SLC44A1: variants seen among roughly 807,000 people sequenced by gnomAD.
The protein encoded by SLC44A1 is choline transporter-like protein 1.
A neutral mutation model predicts 79.3 loss-of-function variants in SLC44A1; 26 were observed. The ratio of observed to expected loss-of-function variants is 0.33; its 90% CI spans 0.24 to 0.46. The LOEUF is 0.46. SLC44A1 is among the 20% of genes least tolerant of loss of function. The probability of loss-of-function intolerance (pLI) is 1.00; values close to 1 mark genes in which losing one functional copy is unlikely to be tolerated. For synonymous variants in SLC44A1, 263 were observed against 286.2 expected, an observed-to-expected ratio of 0.92 and a Z score of 0.82; for missense variants, 688 against 798.1, an observed-to-expected ratio of 0.86 and a Z score of 1.66.
At position 105,430,704 on chromosome 9, in the gene SLC44A1, C is replaced by T. The variant is rs186614468; in HGVS notation, c.1951-7577C>T. ...TACTTAGGTTGGATTTGCACCTTTT[C>T]GCTATTCTGAATAATGCTGCTATGA... is the stretch of plus-strand genomic sequence containing the variant. On this transcript the variant is annotated intron_variant, in intron 15 of 15. Coordinates refer to the SLC44A1 transcript ENST00000374724. 1.4e-4 allele frequency among the ~76,000 whole-genome samples: 22 copies of T among 152,200 alleles called. 1 individual carries two copies. The highest frequency in any genetic ancestry group is 3.9e-4 in the East Asian group (2 of 5,186).
intron 15 of SLC44A1, among the ~76,000 whole-genome samples, chr9:105,416,843 A>C (rs2131512073): frequency 6.6e-6 from 1 of 152,324 alleles, no homozygotes; most frequent in Non-Finnish European, 1.5e-5. Flanking sequence ...TTGACTATCC[A>C]TGCACAAAGT....
At chr9:105,427,969 C>A (rs189511826) in intron 15 of SLC44A1, among the ~76,000 whole-genome samples, 33 of 152,098 alleles carry the variant, frequency 2.2e-4, no homozygotes, top group African/African-American at 7.7e-4. Context: ...ATGTCCTTTG[C>A]CATTTTGTTA....
chr9:105,389,590 T>C lies in SLC44A1; in HGVS notation c.*534T>C, dbSNP rs1205488698. 6.1e-6 allele frequency: 7 copies of C among 1,140,728 alleles called. No individual in the cohort carries two copies. The African/African-American group carries it at 1.1e-4, about 18-fold the overall frequency. 70.7% of individuals were successfully genotyped at this position (1,140,728 alleles called of 1,614,324 possible). On this transcript the variant is annotated 3_prime_UTR_variant, in exon 16 of 16. Transcript: ENST00000374720. Reference sequence around the variant, plus strand: ...GTTTTCCCCAATCAAAGAAGCCATGTCATTTTACTTTTAGAAACATACAAT... The same window carrying C: ...GTTTTCCCCAATCAAAGAAGCCATGCCATTTTACTTTTAGAAACATACAAT...
At chr9:105,273,529 A>G (rs1160184512) in intron 1 of SLC44A1, among the ~76,000 whole-genome samples, 11 of 152,180 alleles carry the variant, frequency 7.2e-5, no homozygotes, top group Non-Finnish European at 1.6e-4. Flanking sequence ...TGAAAAATTC[A>G]CATGTAAACT....
intron 1 of SLC44A1, among the ~76,000 whole-genome samples, chr9:105,260,670 G>A (rs975636406): frequency 6.6e-6 from 1 of 152,184 alleles, no homozygotes; most frequent in Non-Finnish European, 1.5e-5. Context: ...GGGATATTAG[G>A]TAGGGTAAAT....
At chr9:105,358,003 C>T (rs780944589) in intron 6 of SLC44A1, among the ~76,000 whole-genome samples, 4 of 152,244 alleles carry the variant, frequency 2.6e-5, no homozygotes, top group African/African-American at 9.6e-5. Context: ...TCATTCTCTA[C>T]ACTTTGTGTG....
At chr9:105,408,444 T>C (rs1458324580) in intron 15 of SLC44A1, among the ~76,000 whole-genome samples, 2 of 151,710 alleles carry the variant, frequency 1.3e-5, no homozygotes, top group Non-Finnish European at 2.9e-5. Flanking sequence ...GGAGTCTTGC[T>C]CTGTTGCTCA....
intron 9 of SLC44A1, among the ~76,000 whole-genome samples, chr9:105,363,903 A>T (rs1827860360): frequency 6.6e-6 from 1 of 152,216 alleles, no homozygotes; most frequent in African/African-American, 2.4e-5. Flanking sequence ...TCATTCTAAG[A>T]TGAACCAGTG....
chr9:105,363,273 C>T (rs1053120865), intron 9 of SLC44A1, among the ~76,000 whole-genome samples: 5 of 152,082 alleles, frequency 3.3e-5, no homozygotes, highest in African/African-American at 1.2e-4. Context: ...AGTGATTCTT[C>T]TGCCTCAGCC....
chr9:105,370,425 G>T (rs1828061504), intron 12 of SLC44A1, among the ~76,000 whole-genome samples: 1 of 152,052 alleles, frequency 6.6e-6, no homozygotes, highest in South Asian at 2.1e-4. Flanking sequence ...TAGAAATATT[G>T]CCTTTTAAAA....
chr9:105,391,751 GAGA>G lies in SLC44A1; in HGVS notation c.*2700_*2702del, dbSNP rs1453382147. On this transcript the variant is annotated 3_prime_UTR_variant, in exon 16 of 16. Coordinates refer to ENST00000374720, the MANE Select transcript of SLC44A1 (RefSeq NM_080546.5). ...CACTGCTTCCATCTTCTGCCCAAGT[GAGA>G]AGAATAGATGAAGAACAGAAATTTC... 3.0e-6 allele frequency: 3 copies of G among 985,266 alleles called. No individual in the cohort carries two copies. The highest frequency in any genetic ancestry group is 3.6e-6 in the Non-Finnish European group (3 of 829,902). The allele number at this position is 985,266 out of a possible 1,614,324, so 61.0% of individuals were successfully genotyped here. A position where few individuals can be genotyped will look rare whatever the true frequency, so the allele number is the denominator to read the frequency against.
rs1828871621 is a variant in SLC44A1 at position 105,396,145 on chromosome 9, A to ATTGTG, written c.*7099_*7103dup. On this transcript the variant is annotated 3_prime_UTR_variant, in exon 16 of 16. Coordinates refer to ENST00000374720, the MANE Select transcript of SLC44A1 (RefSeq NM_080546.5). ...TGCTGTGTTGCCTTAATGCTACTAG[A>ATTGTG]TTGTGTTGTGTTGTTGGAGTTTTCT... The ATTGTG allele has an allele frequency of 5.1e-6, 5 of 985,290 alleles. No homozygotes were observed. Among genetic ancestry groups the ATTGTG allele is most frequent in the Non-Finnish European group, 6.0e-6 (5 of 829,906 alleles). 61.0% of individuals were successfully genotyped at this position (985,290 alleles called of 1,614,324 possible). A position where few individuals can be genotyped will look rare whatever the true frequency, so the allele number is the denominator to read the frequency against.
At chr9:105,275,865 C>T (rs915092598) in intron 1 of SLC44A1, among the ~76,000 whole-genome samples, 5 of 149,790 alleles carry the variant, frequency 3.3e-5, no homozygotes, top group Non-Finnish European at 7.4e-5. Context: ...AGTGCAGTGG[C>T]GCGATCTCAG....
chr9:105,278,280 G>T (rs7032322), intron 1 of SLC44A1, among the ~76,000 whole-genome samples: 12 of 149,664 alleles, frequency 8.0e-5, no homozygotes, highest in African/African-American at 2.9e-4. Flanking sequence ...ATGTAGTCTC[G>T]CTCTGTCACC....
intron 1 of SLC44A1, among the ~76,000 whole-genome samples, chr9:105,264,473 T>A (rs1316886881): frequency 6.6e-6 from 1 of 152,172 alleles, no homozygotes; most frequent in Non-Finnish European, 1.5e-5. Flanking sequence ...TGCCTAATGT[T>A]TAGTCTTCAT....
At chr9:105,427,133 A>G (rs978164628) in intron 15 of SLC44A1, among the ~76,000 whole-genome samples, 1 of 152,126 alleles carries the variant, frequency 6.6e-6, no homozygotes, top group African/African-American at 2.4e-5. Context: ...GTGTTTCACC[A>G]TGTTAGCCAG....
intron 1 of SLC44A1, among the ~76,000 whole-genome samples, chr9:105,283,177 C>T (rs964389665): frequency 1.3e-5 from 2 of 152,142 alleles, no homozygotes; most frequent in Admixed American, 1.3e-4. Context: ...GGGCATGGAG[C>T]GGGTGCTGAA....
chr9:105,254,217 C>T (rs1013543503), intron 1 of SLC44A1, among the ~76,000 whole-genome samples: 2 of 152,124 alleles, frequency 1.3e-5, no homozygotes, highest in African/African-American at 2.4e-5. Context: ...TGTCATTTTA[C>T]GGAAGGTAGC....
chr9:105,368,365 A>G (rs990541993), intron 12 of SLC44A1, among the ~76,000 whole-genome samples: 7 of 152,210 alleles, frequency 4.6e-5, no homozygotes, highest in African/African-American at 1.7e-4. Flanking sequence ...GGGAATACAA[A>G]GTGCTACAAT....
Sources: gnomAD v4.1 joint callset for allele counts (sites outside exome capture counted in the v4.1 genomes callset) on GRCh38, gnomAD v4.1.1 for gene constraint, MANE v1.5 for transcripts, NCBI Gene and HGNC (gene_info 2026-07-23, HGNC 2026-07-21) for gene names.